Variants in NEGR1 observed in about 807,000 individuals in gnomAD.
NEGR1 encodes neuronal growth regulator 1, also known as IgLON family member 4.
A neutral mutation model predicts 40.9 loss-of-function variants in NEGR1; 10 were observed. That is an observed-to-expected ratio of 0.24 (90% CI 0.15 to 0.42). NEGR1 has a LOEUF of 0.42. Among genes scored for constraint, NEGR1 ranks in the 10% least tolerant of loss-of-function variants. NEGR1 has a pLI of 1.00. For synonymous variants in NEGR1, 185 were observed against 166.8 expected (o/e 1.11, Z -0.84); for missense variants, 352 against 438.9 (o/e 0.80, Z 1.77).
At chr1:72,205,142 C>A (rs1653347352) in intron 1 of NEGR1, among the ~76,000 whole-genome samples, 1 of 151,898 alleles carries the variant, frequency 6.6e-6, no homozygotes, top group African/African-American at 2.4e-5. Context: ...GGGAAAAAAG[C>A]ACCTTGATTA....
intron 4 of NEGR1, among the ~76,000 whole-genome samples, chr1:71,638,597 T>G (rs545372140): frequency 1.3e-5 from 2 of 152,112 alleles, no homozygotes; most frequent in Non-Finnish European, 2.9e-5. Context: ...ACATTTCATG[T>G]GCCAATGCAT....
chr1:72,123,253 T>C (rs939480582), intron 1 of NEGR1, among the ~76,000 whole-genome samples: 7 of 151,908 alleles, frequency 4.6e-5, no homozygotes, highest in Non-Finnish European at 1.0e-4. Context: ...AAGTTACTTA[T>C]GAATAAAATC....
At chr1:72,008,160 G>C (rs914629953) in intron 1 of NEGR1, among the ~76,000 whole-genome samples, 1 of 152,006 alleles carries the variant, frequency 6.6e-6, no homozygotes, top group Non-Finnish European at 1.5e-5. Context: ...TTTTTAATGG[G>C]TGTCAATTAT....
intron 1 of NEGR1, among the ~76,000 whole-genome samples, chr1:72,197,595 C>T (rs1653044583): frequency 6.6e-6 from 1 of 152,102 alleles, no homozygotes; most frequent in East Asian, 1.9e-4. Flanking sequence ...ACTTTATTCA[C>T]TAGCACAGGC....
chr1:71,863,805 C>T (rs894438726), intron 2 of NEGR1, among the ~76,000 whole-genome samples: 3 of 152,032 alleles, frequency 2.0e-5, no homozygotes, highest in Admixed American at 6.6e-5. Context: ...CTGGCAACCA[C>T]CCAACGTGTT....
intron 4 of NEGR1, among the ~76,000 whole-genome samples, chr1:71,618,874 G>A (rs1290315944): frequency 6.6e-6 from 1 of 151,990 alleles, no homozygotes; most frequent in Non-Finnish European, 1.5e-5. Flanking sequence ...GCATTTTGTG[G>A]GTCTGATATT....
At chr1:71,538,349 G>A (rs1429110255) in intron 6 of NEGR1, among the ~76,000 whole-genome samples, 1 of 151,642 alleles carries the variant, frequency 6.6e-6, no homozygotes, top group African/African-American at 2.4e-5. Context: ...TTGGTTTCTA[G>A]GTTGTTATTT....
chr1:71,908,772 CA>C (rs1661347077), intron 2 of NEGR1, among the ~76,000 whole-genome samples: 1 of 152,144 alleles, frequency 6.6e-6, no homozygotes, highest in Non-Finnish European at 1.5e-5. Context: ...TACAGTGTTA[CA>C]GTTTTTTTAG....
At chr1:72,280,210 C>T (rs1303794625) in intron 1 of NEGR1, among the ~76,000 whole-genome samples, 1 of 152,116 alleles carries the variant, frequency 6.6e-6, no homozygotes, top group African/African-American at 2.4e-5. Context: ...AGGGAAGCTC[C>T]ACTGTTGGAA....
chr1:71,977,296 A>G (rs950653869), intron 1 of NEGR1, among the ~76,000 whole-genome samples: 1 of 151,908 alleles, frequency 6.6e-6, no homozygotes, highest in African/African-American at 2.4e-5. Context: ...ACTGCACTCC[A>G]GCCTGGACGA....
intron 1 of NEGR1, among the ~76,000 whole-genome samples, chr1:72,040,103 A>T (rs1646938587): frequency 1.3e-5 from 2 of 151,996 alleles, no homozygotes; most frequent in South Asian, 4.1e-4. Context: ...CTTATACCAC[A>T]TATCATTACA....
chr1:72,095,968 A>G (rs562706474), intron 1 of NEGR1, among the ~76,000 whole-genome samples: 1 of 152,214 alleles, frequency 6.6e-6, no homozygotes, highest in East Asian at 1.9e-4. Context: ...AGTGGATTAA[A>G]TATTTCCTTT....
intron 1 of NEGR1, chr1:72,275,265 T>G (rs1451506447): frequency 5.0e-5 from 27 of 541,850 alleles, no homozygotes; most frequent in Non-Finnish European, 8.9e-5. Context: ...ATACCACATT[T>G]TTTTCTGTAA....
intron 1 of NEGR1, among the ~76,000 whole-genome samples, chr1:72,092,450 C>A (rs575292495): frequency 6.6e-6 from 1 of 152,078 alleles, no homozygotes; most frequent in South Asian, 2.1e-4. Context: ...TATTTATTGA[C>A]TTTTTTTTCT....
chr1:72,166,926 T>C (rs1651786850), intron 1 of NEGR1, among the ~76,000 whole-genome samples: 1 of 152,092 alleles, frequency 6.6e-6, no homozygotes, highest in Admixed American at 6.6e-5. Context: ...TAAAATAATA[T>C]TCCAGAGAAT....
At chr1:71,782,621 A>G (rs1656757194) in intron 2 of NEGR1, among the ~76,000 whole-genome samples, 1 of 152,166 alleles carries the variant, frequency 6.6e-6, no homozygotes, top group Non-Finnish European at 1.5e-5. Context: ...AGGGCCTGAC[A>G]CATACAGGTT....
At chr1:71,523,254 G>C (rs1209634888) in intron 6 of NEGR1, among the ~76,000 whole-genome samples, 1 of 151,550 alleles carries the variant, frequency 6.6e-6, no homozygotes, top group African/African-American at 2.4e-5. Flanking sequence ...ATGTTGGGTT[G>C]TTGTGAGGAT....
intron 6 of NEGR1, among the ~76,000 whole-genome samples, chr1:71,529,318 T>G (rs956016707): frequency 2.6e-5 from 4 of 151,256 alleles, no homozygotes; most frequent in African/African-American, 9.7e-5. Context: ...ATTATTAGCT[T>G]GATGCTTTAG....
intron 2 of NEGR1, among the ~76,000 whole-genome samples, chr1:71,829,631 A>C (rs1383033245): frequency 1.3e-5 from 2 of 151,962 alleles, no homozygotes; most frequent in African/African-American, 4.8e-5. Context: ...CAGCTAGGAA[A>C]AACAAAAAAC....
Sources: gnomAD v4.1 joint callset for allele counts (sites outside exome capture counted in the v4.1 genomes callset) on GRCh38, gnomAD v4.1.1 for gene constraint, MANE v1.5 for transcripts, NCBI Gene and HGNC (gene_info 2026-07-23, HGNC 2026-07-21) for gene names.